The following ARHGEF10 variants were observed in gnomAD, a reference collection of about 807,000 sequenced individuals.
ARHGEF10 encodes the protein Rho guanine nucleotide exchange factor (GEF) 10.
A neutral mutation model predicts 147.4 loss-of-function variants in ARHGEF10; 140 were observed. The observed-to-expected ratio is 0.95, with a 90% CI of 0.83 to 1.09. ARHGEF10 has a LOEUF of 1.09. Among genes scored for constraint, ARHGEF10 ranks in the 50% least tolerant of loss-of-function variants. The pLI, the probability that ARHGEF10 is intolerant of heterozygous loss-of-function variation, is 0.00. For missense variants in ARHGEF10, 2,222 were observed against 1,752.7 expected, an observed-to-expected ratio of 1.27 and a Z score of -4.78; for synonymous variants, 902 against 695.8, an observed-to-expected ratio of 1.30 and a Z score of -4.67.
intron 2 of ARHGEF10, among the ~76,000 whole-genome samples, chr8:1,849,574 C>G (rs1230664876): frequency 9.2e-6 from 1 of 108,836 alleles, no homozygotes; most frequent in Non-Finnish European, 1.8e-5. Flanking sequence ...CTGAGGAGGG[C>G]GTGGGGCCAG....
intron 6 of ARHGEF10, among the ~76,000 whole-genome samples, chr8:1,867,211 T>C (rs962318117): frequency 3.3e-5 from 5 of 152,176 alleles, no homozygotes; most frequent in African/African-American, 9.7e-5. Flanking sequence ...TGTAGCGTAT[T>C]TTTCCAAAAC....
chr8:1,889,400 A>T (rs1279458012), intron 11 of ARHGEF10, among the ~76,000 whole-genome samples: 1 of 70,896 alleles, frequency 1.4e-5, no homozygotes, highest in South Asian at 8.7e-4. Flanking sequence ...GATGTGAGGC[A>T]TCTGTGAGGA....
chr8:1,877,141 G>A (rs1807776751), intron 8 of ARHGEF10, among the ~76,000 whole-genome samples: 1 of 152,226 alleles, frequency 6.6e-6, no homozygotes, highest in Non-Finnish European at 1.5e-5. Context: ...TTCAACTTTA[G>A]CATGTTCAGC....
chr8:1,840,776 A>C (rs932367972), intron 1 of ARHGEF10, among the ~76,000 whole-genome samples: 5 of 152,192 alleles, frequency 3.3e-5, no homozygotes, highest in Non-Finnish European at 7.4e-5. Context: ...TGGATATGAC[A>C]GCTTTCCCTC....
intron 10 of ARHGEF10, among the ~76,000 whole-genome samples, chr8:1,884,350 T>C (rs13264725): frequency 0.37 from 55,969 of 149,452 alleles, 10,874 homozygotes; most frequent in South Asian, 0.52. Context: ...GAGCCGAGAT[T>C]GCGCCACTGC....
At chr8:1,842,300 C>G (rs930697728) in intron 1 of ARHGEF10, among the ~76,000 whole-genome samples, 1 of 152,144 alleles carries the variant, frequency 6.6e-6, no homozygotes, top group Non-Finnish European at 1.5e-5. Flanking sequence ...AAAGTAGTGT[C>G]TGTCTGCTTC....
rs1203806294 is a variant in ARHGEF10 at position 1,913,946 on chromosome 8, T to C, written c.2143+4476T>C. ...GAAACCTCAGGGTCCCTGCTGAGCA[T>C]AGAGAGGGGAACTTCCAGGCAAACG... On this transcript the variant is annotated intron_variant, in intron 18 of 28. Coordinates refer to ENST00000349830, the MANE Select transcript of ARHGEF10 (RefSeq NM_014629.4). Among the ~76,000 whole-genome samples the C allele has an allele frequency of 2.6e-5, 4 of 152,106 alleles. No individual in the cohort carries two copies. The South Asian group carries it at 8.3e-4, about 32-fold the overall frequency.
At position 1,919,459 on chromosome 8, in the gene ARHGEF10, T is replaced by G. The variant is rs536817918; in HGVS notation, c.2144-3505T>G. ...TTCCATGGGTGATGGAGCTGTTCCA[T>G]GGGTGATGGAGCTGTTCTGTCCAGT... On this transcript the variant is annotated intron_variant, in intron 18 of 28. Transcript: ENST00000349830. Among the ~76,000 whole-genome samples, 8 of 147,212 alleles carry G rather than the reference T, an allele frequency of 5.4e-5. No homozygotes were observed. In the South Asian group the frequency reaches 1.7e-3, roughly 32 times the overall value.
chr8:1,834,053 A>C (rs1236015968), intron 1 of ARHGEF10, among the ~76,000 whole-genome samples: 3 of 152,206 alleles, frequency 2.0e-5, no homozygotes, highest in Non-Finnish European at 1.5e-5. Context: ...CTGCGACTGC[A>C]GAGGCCTGGG....
intron 1 of ARHGEF10, among the ~76,000 whole-genome samples, chr8:1,830,120 C>T (rs1041090857): frequency 1.3e-5 from 2 of 152,202 alleles, no homozygotes; most frequent in South Asian, 4.1e-4. Context: ...GCAGACGGCC[C>T]CAGAGGGCAA....
chr8:1,950,730 G>GTTTTTTTTTTTTT (rs71211528), intron 27 of ARHGEF10, among the ~76,000 whole-genome samples: 3 of 108,458 alleles, frequency 2.8e-5, no homozygotes, highest in African/African-American at 3.6e-5. Flanking sequence ...TGTTTTTTAG[G>GTTTTTTTTTTTTT]TTTTTTTTTT....
intron 26 of ARHGEF10, among the ~76,000 whole-genome samples, chr8:1,935,369 G>C (rs1487330229): frequency 6.6e-6 from 1 of 152,072 alleles, no homozygotes; most frequent in Non-Finnish European, 1.5e-5. Flanking sequence ...GTGGGTTTGG[G>C]CAAATGTATC....
At chr8:1,854,702 A>C (rs1805416744) in intron 2 of ARHGEF10, among the ~76,000 whole-genome samples, 1 of 151,850 alleles carries the variant, frequency 6.6e-6, no homozygotes, top group Non-Finnish European at 1.5e-5. Context: ...ATTCTACTTA[A>C]ATTTTACTAG....
chr8:1,928,607 G>A lies in ARHGEF10; in HGVS notation c.2878G>A (p.Ala960Thr). The change falls in exon 24 of 29, where the codon GCT (alanine) becomes ACT (threonine). Residue 960 changes from alanine (A) to threonine (T), a missense_variant. By Grantham distance (58) the Ala-to-Thr change is moderately conservative. Transcript: ENST00000349830. Reference sequence around the variant, plus strand: ...GGACCCCGAGACCCCGGCCGTGAGAGCTTCTGATGTCCCCACGATCTGTGT... The same window carrying A: ...GGACCCCGAGACCCCGGCCGTGAGAACTTCTGATGTCCCCACGATCTGTGT... ...PPDPETPAVR[A>T]SDVPTICVGT... 2 of 1,614,222 alleles carry A rather than the reference G, an allele frequency of 1.2e-6. No individual in the cohort carries two copies. The highest frequency in any genetic ancestry group is 8.5e-7 in the Non-Finnish European group (1 of 1,180,042).
chr8:1,895,228 A>C (rs1809878153), intron 13 of ARHGEF10, among the ~76,000 whole-genome samples: 4 of 152,126 alleles, frequency 2.6e-5, no homozygotes, highest in African/African-American at 9.7e-5. Flanking sequence ...TTTTATCCTC[A>C]CTCCGTGTAT....
intron 18 of ARHGEF10, among the ~76,000 whole-genome samples, chr8:1,919,572 T>C (rs1385929760): frequency 6.7e-6 from 1 of 149,304 alleles, no homozygotes; most frequent in Non-Finnish European, 1.5e-5. Context: ...GGTGATGAGC[T>C]GTTCTGTGGA....
At chr8:1,868,288 T>A (rs1806785767) in intron 6 of ARHGEF10, among the ~76,000 whole-genome samples, 1 of 152,204 alleles carries the variant, frequency 6.6e-6, no homozygotes, top group African/African-American at 2.4e-5. Context: ...GAGTTCGGGT[T>A]TGTTGGTCTC....
chr8:1,956,467 A>G lies in ARHGEF10; in HGVS notation c.3521-282A>G, dbSNP rs994106424. Among the ~76,000 whole-genome samples, 11 of 152,354 alleles carry G rather than the reference A, an allele frequency of 7.2e-5. No individual in the cohort carries two copies. In the South Asian group the frequency reaches 1.4e-3, roughly 20 times the overall value. On this transcript the variant is annotated intron_variant, in intron 28 of 28. Coordinates refer to ENST00000349830, the MANE Select transcript of ARHGEF10 (RefSeq NM_014629.4). ...GAAAAATGACTATTTTATTACTTTG[A>G]AAAGTACAGTAGGAGTATTAGAACT...
chr8:1,880,956 A>G (rs1808140059), intron 9 of ARHGEF10, among the ~76,000 whole-genome samples: 1 of 152,170 alleles, frequency 6.6e-6, no homozygotes, highest in African/African-American at 2.4e-5. Flanking sequence ...CCTCACATGC[A>G]GCATCTGGCT....
Sources: gnomAD v4.1 joint callset for allele counts (sites outside exome capture counted in the v4.1 genomes callset) on GRCh38, gnomAD v4.1.1 for gene constraint, MANE v1.5 for transcripts, NCBI Gene and HGNC (gene_info 2026-07-23, HGNC 2026-07-21) for gene names.